The following SLC7A7 variants were observed in gnomAD, a reference collection of about 807,000 sequenced individuals.
SLC7A7 encodes Y+L amino acid transporter 1.
Under a neutral mutation model 47.9 loss-of-function variants are expected in SLC7A7, and 39 were observed. That is an observed-to-expected ratio of 0.81 (90% CI 0.63 to 1.06). The LOEUF (loss-of-function observed/expected upper bound fraction) is 1.06, where lower values mean the gene tolerates loss of function less well. SLC7A7 is among the 50% of genes least tolerant of loss of function. The pLI, the probability that SLC7A7 is intolerant of heterozygous loss-of-function variation, is 0.00. For missense variants in SLC7A7, 588 were observed against 632.0 expected (o/e 0.93, Z 0.75); for synonymous variants, 234 against 242.8 (o/e 0.96, Z 0.34).
intron 2 of SLC7A7, 128 bp downstream of exon 2, chr14:22,812,772 A>AATATATATATATATATATATATATAT (rs2039331677): frequency 2.4e-6 from 1 of 414,646 alleles, no homozygotes; most frequent in Non-Finnish European, 3.4e-6. Context: ...GCATACTTTA[A>AATATATATATATATATATATATATAT]CTATATATAT....
At position 22,809,865 on chromosome 14, in the gene SLC7A7, C is replaced by A. The variant is rs555019238; in HGVS notation, c.499+3035G>T. On this transcript the variant is annotated intron_variant, in intron 2 of 9. Transcript: ENST00000674313. ...GGCCAGGTGCAGTGGCTGTGAAATC[C>A]CATCTCTTCTAAAAATACAAAAAAT... Among the ~76,000 whole-genome samples the A allele has an allele frequency of 2.0e-5, 3 of 151,726 alleles. No homozygotes were observed. In the South Asian group the frequency reaches 6.2e-4, roughly 32 times the overall value.
At chr14:22,796,844 T>C (rs1764233393) in intron 2 of SLC7A7, among the ~76,000 whole-genome samples, 1 of 152,164 alleles carries the variant, frequency 6.6e-6, no homozygotes, top group African/African-American at 2.4e-5. Flanking sequence ...TCCACCTCTC[T>C]TGCAAAACAG....
At chr14:22,795,453 T>TTTCTTTC (rs1566453924) in intron 2 of SLC7A7, among the ~76,000 whole-genome samples, 12 of 75,218 alleles carry the variant, frequency 1.6e-4, no homozygotes, top group Non-Finnish European at 2.2e-4. Context: ...TTTTCTATTC[T>TTTCTTTC]TTTCTTTTCT....
rs1355745932 is a variant in SLC7A7, at chr14:22,773,977, CTG to C, written c.1383_1384del (p.Ile461MetfsTer6). On this transcript the variant is annotated frameshift_variant, in exon 9 of 10. Coordinates refer to ENST00000674313, the MANE Select transcript of SLC7A7 (RefSeq NM_003982.4). LOFTEE classifies it high-confidence loss of function. ...AAGCGGTCGCTTATGTTCTGGCACT[CTG>C]ATGATGAGGAAGTAAAAGGGCAGGC... The C allele has an allele frequency of 2.9e-5, 46 of 1,614,024 alleles. No individual in the cohort carries two copies. Among genetic ancestry groups the C allele is most frequent in the Non-Finnish European group, 3.8e-5 (45 of 1,180,042 alleles).
chr14:22,806,142 T>C (rs1412764225), intron 2 of SLC7A7, among the ~76,000 whole-genome samples: 30 of 127,556 alleles, frequency 2.4e-4, no homozygotes, highest in African/African-American at 8.1e-4. Flanking sequence ...AAAAAAAAAC[T>C]GTACATACAT....
In SLC7A7 at chr14:22,775,982, T is replaced by C. The variant is rs751708126; in HGVS notation, c.895-46A>G. 8 of 1,514,672 alleles carry C rather than the reference T, an allele frequency of 5.3e-6. No homozygotes were observed. In the East Asian group the frequency reaches 1.8e-4, roughly 34 times the overall value. The allele number at this position is 1,514,672 out of a possible 1,614,324, so 93.8% of individuals were successfully genotyped here. A position where few individuals can be genotyped will look rare whatever the true frequency, so the allele number is the denominator to read the frequency against. ...AGTCATTAGCAGGATCTAAAAGGGA[T>C]GAAAGACATGGATGGGCATGCCCCC... On this transcript the variant is annotated intron_variant, in intron 5 of 9. Coordinates refer to ENST00000674313, the MANE Select transcript of SLC7A7 (RefSeq NM_003982.4).
At chr14:22,783,413 T>C (rs1441471913) in intron 2 of SLC7A7, among the ~76,000 whole-genome samples, 7 of 146,518 alleles carry the variant, frequency 4.8e-5, no homozygotes, top group Non-Finnish European at 4.6e-5. Context: ...TCTTTTTTTT[T>C]TTTTTTCGAG....
At chr14:22,817,757 G>T (rs972099103), upstream of SLC7A7, among the ~76,000 whole-genome samples, 1 of 152,192 alleles carries the variant, frequency 6.6e-6, no homozygotes, top group South Asian at 2.1e-4. Flanking sequence ...GATTACAGGC[G>T]TGAGCCACCG....
chr14:22,798,052 T>C (rs1239411062), intron 2 of SLC7A7, among the ~76,000 whole-genome samples: 3 of 152,156 alleles, frequency 2.0e-5, no homozygotes, highest in African/African-American at 7.2e-5. Context: ...TCCCAGCAAT[T>C]TGAGAGGCCG....
intron 2 of SLC7A7, 152 bp from the exon 3 acceptor site, chr14:22,780,203 G>A: frequency 1.2e-6 from 1 of 860,440 alleles, no homozygotes; most frequent in Non-Finnish European, 1.8e-6. Context: ...AACCCTCGGG[G>A]CCCCAGAATG....
chr14:22,792,953 G>A (rs1334028406), intron 2 of SLC7A7, among the ~76,000 whole-genome samples: 1 of 147,696 alleles, frequency 6.8e-6, no homozygotes, highest in Non-Finnish European at 1.5e-5. Flanking sequence ...GTCTCGCTCT[G>A]TCGCCCAGGC....
intron 2 of SLC7A7, among the ~76,000 whole-genome samples, chr14:22,807,482 C>G (rs530996916): frequency 2.7e-4 from 41 of 152,262 alleles, no homozygotes; most frequent in African/African-American, 9.6e-4. Context: ...AGGAGGATTA[C>G]TTGAGGCCAG....
intron 2 of SLC7A7, among the ~76,000 whole-genome samples, chr14:22,791,010 A>G (rs2139418717): frequency 6.6e-6 from 1 of 152,068 alleles, no homozygotes; most frequent in Non-Finnish European, 1.5e-5. Flanking sequence ...AAAAAAAAAA[A>G]AAAAGGTCAA....
rs773097626 is a variant in SLC7A7, at chr14:22,813,273, G to A, written c.126C>T (p.Gly42=). 6.9e-5 allele frequency: 112 copies of A among 1,613,912 alleles called. No individual in the cohort carries two copies. The highest frequency in any genetic ancestry group is 8.6e-5 in the Non-Finnish European group (102 of 1,179,904). ...KLKKEISLLN[G]VCLIVGNMIG... Reference sequence around the variant, plus strand: ...TCATGTTCCCCACAATCAGGCACACGCCGTTAAGCAGTGAGATCTCCTTCT... The same window carrying A: ...TCATGTTCCCCACAATCAGGCACACACCGTTAAGCAGTGAGATCTCCTTCT... The change falls in exon 2 of 10, where the codon GGC becomes GGT. Residue 42 remains glycine (G), a synonymous_variant. Transcript: ENST00000674313.
intron 2 of SLC7A7, among the ~76,000 whole-genome samples, chr14:22,801,754 A>G (rs2039117883): frequency 6.6e-6 from 1 of 152,158 alleles, no homozygotes; most frequent in East Asian, 1.9e-4. Context: ...CAGCCTGGTG[A>G]CAGAGCGAGA....
chr14:22,812,908 G>A lies in SLC7A7; in HGVS notation c.491C>T (p.Ala164Val). Residue 164 changes from alanine (A) to valine (V), a missense_variant, in exon 2 of 10, where the codon GCC (alanine) becomes GTC (valine). Ala to Val is a moderately conservative substitution (Grantham distance 64). Transcript: ENST00000674313. ...PYAASRLLAAACICLLTFINC... is the reference protein window; with the variant it reads ...PYAASRLLAAVCICLLTFINC... Reference sequence around the variant, plus strand: ...ACCCCAGCCCCACTTACAAATGCAGGCAGCAGCCAGCAGGCGGCTGGCAGC... The same window carrying A: ...ACCCCAGCCCCACTTACAAATGCAGACAGCAGCCAGCAGGCGGCTGGCAGC... The A allele has an allele frequency of 6.2e-7, 1 of 1,613,080 alleles. No homozygotes were observed.
intron 3 of SLC7A7, 142 bp downstream of exon 3, chr14:22,779,784 C>T: frequency 3.6e-6 from 3 of 841,736 alleles, no homozygotes. Context: ...GCTGTTTCCT[C>T]ATCCATAAAA....
intron 2 of SLC7A7, among the ~76,000 whole-genome samples, chr14:22,801,740 A>C (rs1220369731): frequency 6.6e-6 from 1 of 152,156 alleles, no homozygotes; most frequent in Non-Finnish European, 1.5e-5. Flanking sequence ...GCGCCACTGC[A>C]CTCCAGCCTG....
intron 2 of SLC7A7, among the ~76,000 whole-genome samples, chr14:22,807,189 G>A (rs1208246347): frequency 2.6e-5 from 4 of 152,032 alleles, no homozygotes; most frequent in East Asian, 1.9e-4. Flanking sequence ...GTGAGCCACC[G>A]CGCCGGGCCA....
Sources: gnomAD v4.1 joint callset for allele counts (sites outside exome capture counted in the v4.1 genomes callset) on GRCh38, gnomAD v4.1.1 for gene constraint, MANE v1.5 for transcripts, NCBI Gene and HGNC (gene_info 2026-07-23, HGNC 2026-07-21) for gene names.